DISP3: variants seen among roughly 807,000 people sequenced by gnomAD.
The protein encoded by DISP3 is protein dispatched homolog 3.
A neutral mutation model predicts 135.3 loss-of-function variants in DISP3; 101 were observed. That is an observed-to-expected ratio of 0.75 (90% CI 0.64 to 0.88). The LOEUF (loss-of-function observed/expected upper bound fraction) is 0.88, where lower values mean the gene tolerates loss of function less well. Among genes scored for constraint, DISP3 ranks in the 40% least tolerant of loss-of-function variants. The pLI, the probability that DISP3 is intolerant of heterozygous loss-of-function variation, is 0.00. For missense variants in DISP3, 1,713 were observed against 1,878.6 expected (o/e 0.91, Z 1.63); for synonymous variants, 856 against 817.0 (o/e 1.05, Z -0.81).
intron 7 of DISP3, among the ~76,000 whole-genome samples, chr1:11,518,651 G>A (rs1292923606): frequency 6.6e-6 from 1 of 152,158 alleles, no homozygotes; most frequent in Non-Finnish European, 1.5e-5. Flanking sequence ...TGGGCTTCAA[G>A]CCCAGCCTCC....
intron 13 of DISP3, among the ~76,000 whole-genome samples, chr1:11,528,237 A>C (rs1022547733): frequency 6.6e-6 from 1 of 152,184 alleles, no homozygotes; most frequent in African/African-American, 2.4e-5. Flanking sequence ...CCACAGGCCC[A>C]GTCCCTGCTA....
chr1:11,534,282 C>A lies in DISP3; in HGVS notation c.3376-99C>A. 9 of 1,429,458 alleles carry A rather than the reference C, an allele frequency of 6.3e-6. No homozygotes were observed. The South Asian group carries it at 9.5e-5, about 15-fold the overall frequency. 88.5% of individuals were successfully genotyped at this position (1,429,458 alleles called of 1,614,324 possible). ...GTTCACACCCTCCCCAACACACGCA[C>A]CACTCCATTGGTGGCCGCAGAACAG... On this transcript the variant is annotated intron_variant, in intron 17 of 20. Transcript: ENST00000294484.
chr1:11,480,635 G>A (rs2100340583), intron 1 of DISP3, among the ~76,000 whole-genome samples: 1 of 149,970 alleles, frequency 6.7e-6, no homozygotes, highest in South Asian at 2.1e-4. Context: ...AAGCCACTCA[G>A]ACTCCCAAGC....
chr1:11,513,255 G>A (rs188499524), intron 3 of DISP3, among the ~76,000 whole-genome samples: 39 of 151,570 alleles, frequency 2.6e-4, no homozygotes, highest in African/African-American at 8.1e-4. Flanking sequence ...TTGCAGTCAA[G>A]CCTGGGTGAC....
chr1:11,531,456 C>T lies in DISP3; in HGVS notation c.3230-109C>T. On this transcript the variant is annotated intron_variant, in intron 16 of 20. Transcript: ENST00000294484. This position sits in a 1 kb window ranked among gnomAD's most constrained non-coding sequence, Gnocchi z 5.2. ...TTCCCAATGCCGTTGCCAATGGTTA[C>T]AAGCACTCTAAGCCTCAGAGGTATG... 6.7e-7 allele frequency: 1 copy of T among 1,502,594 alleles called. No individual in the cohort carries two copies. The highest frequency in any genetic ancestry group is 1.8e-5 in the Admixed American group (1 of 56,994). The allele number at this position is 1,502,594 out of a possible 1,614,324, so 93.1% of individuals were successfully genotyped here. A position where few individuals can be genotyped will look rare whatever the true frequency, so the allele number is the denominator to read the frequency against.
chr1:11,504,806 A>G (rs560576551), intron 3 of DISP3, among the ~76,000 whole-genome samples: 39 of 152,240 alleles, frequency 2.6e-4, no homozygotes, highest in Non-Finnish European at 5.3e-4. Flanking sequence ...CTGCAGAACC[A>G]TGAACTAAAT....
At chr1:11,481,650 G>A (rs1355348721) in intron 1 of DISP3, 2 of 152,222 alleles carry the variant, frequency 1.3e-5, no homozygotes, top group Non-Finnish European at 2.9e-5. Flanking sequence ...CCTTCTCTGA[G>A]CTTCAGGTTT....
At chr1:11,492,674 T>A (rs1275313967) in intron 1 of DISP3, among the ~76,000 whole-genome samples, 1 of 152,204 alleles carries the variant, frequency 6.6e-6, no homozygotes, top group Admixed American at 6.5e-5. Context: ...ATCGTGTTTC[T>A]TAGGGGGCAG....
At chr1:11,533,517 A>C (rs1006285750) in intron 17 of DISP3, among the ~76,000 whole-genome samples, 1 of 152,056 alleles carries the variant, frequency 6.6e-6, no homozygotes, top group Admixed American at 6.5e-5. Context: ...TCAGCCTCCC[A>C]AAGTGCGGGG....
At chr1:11,492,764 G>T (rs1641225704) in intron 1 of DISP3, among the ~76,000 whole-genome samples, 1 of 152,226 alleles carries the variant, frequency 6.6e-6, no homozygotes, top group Non-Finnish European at 1.5e-5. Context: ...TGGGGCAGGA[G>T]ATATGGGGTG....
chr1:11,535,674 C>A (rs1488541241), intron 20 of DISP3, 30 bp downstream of exon 20: 1 of 1,595,324 alleles, frequency 6.3e-7, no homozygotes, highest in East Asian at 2.2e-5. Context: ...TACCCACTTC[C>A]CACCACATTG....
At chr1:11,534,733 C>T (rs751986505) in intron 18 of DISP3, 193 bp downstream of exon 18, 560 of 809,202 alleles carry the variant, frequency 6.9e-4, no homozygotes, top group Non-Finnish European at 9.3e-4. Flanking sequence ...CATCTGGCCA[C>T]GTTCTCTGAT....
rs1642381773 is a variant in DISP3, at chr1:11,525,313, G to A, written c.2613+1G>A. On this transcript the variant is annotated splice_donor_variant, in intron 12 of 20. Transcript: ENST00000294484. LOFTEE classifies it high-confidence loss of function. ...GGATGGAGAGGTGCCCTCCTTCCAG[G>A]TGAGCCTGGGCTGTCGTGAAGTGAG... 6.2e-7 allele frequency: 1 copy of A among 1,612,716 alleles called. No homozygotes were observed. Among genetic ancestry groups the A allele is most frequent in the South Asian group, 1.1e-5 (1 of 91,060 alleles).
At chr1:11,502,511 G>A (rs1641574864) in intron 2 of DISP3, among the ~76,000 whole-genome samples, 167 bp from the exon 3 acceptor site, 1 of 152,132 alleles carries the variant, frequency 6.6e-6, no homozygotes, top group East Asian at 1.9e-4. Context: ...TTGAGGAAGG[G>A]TGGGGCAGGG....
At chr1:11,535,441 G>C (rs1642682713) in intron 19 of DISP3, 37 bp from the exon 20 acceptor site, 1 of 1,573,280 alleles carries the variant, frequency 6.4e-7, no homozygotes. Context: ...CTCCAGGGCG[G>C]GGGATCCGAG....
At chr1:11,515,271 G>A in intron 4 of DISP3, 98 bp from the exon 5 acceptor site, 1 of 1,464,952 alleles carries the variant, frequency 6.8e-7, no homozygotes, top group Non-Finnish European at 9.3e-7. Context: ...CAGGGTTGGG[G>A]AGAAGAGACA....
chr1:11,480,167 C>T (rs971080627), intron 1 of DISP3, among the ~76,000 whole-genome samples: 32 of 152,176 alleles, frequency 2.1e-4, no homozygotes, highest in African/African-American at 7.7e-4. Context: ...CTTCTCTTCT[C>T]GGCCTCTGCT....
chr1:11,481,126 T>TC (rs1311276151), intron 1 of DISP3: 1 of 152,054 alleles, frequency 6.6e-6, no homozygotes, highest in Admixed American at 6.6e-5. Flanking sequence ...CAGTCATCCT[T>TC]CCCCACTGTC....
intron 1 of DISP3, among the ~76,000 whole-genome samples, chr1:11,489,138 C>G (rs1264101660): frequency 1.3e-5 from 2 of 152,248 alleles, no homozygotes; most frequent in African/African-American, 4.8e-5. Context: ...GAGATTTGCC[C>G]TAAGGTTCTC....
Sources: allele counts gnomAD v4.1 joint callset (sites outside exome capture counted in the v4.1 genomes callset), GRCh38; gene constraint gnomAD v4.1.1; non-coding constraint Gnocchi (gnomAD v3.1); transcripts MANE v1.5; gene names NCBI Gene and HGNC (gene_info 2026-07-23, HGNC 2026-07-21).